The following ASIC2 variants were observed in gnomAD, a reference collection of about 807,000 sequenced individuals.
The protein encoded by ASIC2 is acid sensing ion channel subunit 2, also known as acid-sensing ion channel 2.
A neutral mutation model predicts 57.3 loss-of-function variants in ASIC2; 25 were observed. The ratio of observed to expected loss-of-function variants is 0.44; its 90% CI spans 0.32 to 0.61. The LOEUF is 0.61. Ranked by LOEUF, ASIC2 falls within the 20% of genes least tolerant of loss-of-function variation. ASIC2 has a pLI of 0.06. For missense variants in ASIC2, 641 were observed against 738.1 expected, an observed-to-expected ratio of 0.87 and a Z score of 1.52; for synonymous variants, 319 against 307.5, an observed-to-expected ratio of 1.04 and a Z score of -0.39.
chr17:33,359,606 C>G (rs1908520296), intron 1 of ASIC2, among the ~76,000 whole-genome samples: 1 of 152,166 alleles, frequency 6.6e-6, no homozygotes, highest in Non-Finnish European at 1.5e-5. Context: ...CATCCATGCA[C>G]CAAAAACTTC....
At chr17:34,131,823 G>A (rs868776033) in intron 1 of ASIC2, among the ~76,000 whole-genome samples, 6 of 152,212 alleles carry the variant, frequency 3.9e-5, no homozygotes, top group South Asian at 2.1e-4. Flanking sequence ...AAGAGGCCCT[G>A]AAAGGTCTGA....
At chr17:33,055,462 G>A (rs545034222) in intron 3 of ASIC2, among the ~76,000 whole-genome samples, 5 of 152,148 alleles carry the variant, frequency 3.3e-5, no homozygotes, top group African/African-American at 1.2e-4. Context: ...ACATTCCTAT[G>A]TTATGGCTGA....
intron 1 of ASIC2, among the ~76,000 whole-genome samples, chr17:33,875,602 T>C (rs1460946391): frequency 6.6e-6 from 1 of 152,176 alleles, no homozygotes; most frequent in Non-Finnish European, 1.5e-5. Context: ...GGAGCCAAGT[T>C]CACCTCTGAA....
chr17:33,388,905 G>C (rs541830357), intron 1 of ASIC2, among the ~76,000 whole-genome samples: 1 of 152,118 alleles, frequency 6.6e-6, no homozygotes, highest in African/African-American at 2.4e-5. Context: ...TGGCCTCTGC[G>C]GCCACATCAG....
chr17:33,439,376 G>A (rs1911745752), intron 1 of ASIC2, among the ~76,000 whole-genome samples: 5 of 152,154 alleles, frequency 3.3e-5, no homozygotes, highest in Admixed American at 3.3e-4. Context: ...TGAAGGCTGG[G>A]AAGAAGAAAG....
At chr17:34,135,136 T>C (rs1222741640) in intron 1 of ASIC2, among the ~76,000 whole-genome samples, 3 of 152,170 alleles carry the variant, frequency 2.0e-5, no homozygotes, top group African/African-American at 7.2e-5. Context: ...AAGCTCTTAA[T>C]TAATAATTCC....
chr17:33,475,097 A>G (rs1226239679), intron 1 of ASIC2, among the ~76,000 whole-genome samples: 4 of 152,026 alleles, frequency 2.6e-5, no homozygotes, highest in Non-Finnish European at 4.4e-5. Context: ...TTGAACTGCT[A>G]TCTTTCATCT....
rs1376868121 is a variant in ASIC2, at chr17:34,069,346, TTTTCTTTCTTTTTC to T, written c.555+86618_555+86631del. The stretch of plus-strand genomic sequence containing the variant: ...TCCTCTCTTTCTTTTTCTTTCATTT[TTTTCTTTCTTTTTC>T]TTTCTTTCTTTCCTTTTTTTCTCTT... On this transcript the variant is annotated intron_variant, in intron 1 of 9. Transcript: ENST00000359872. The T allele has an allele frequency of 5.4e-3, 189 of 34,708 alleles. 1 individual carries two copies. The highest frequency in any genetic ancestry group is 0.02 in the African/African-American group (181 of 8,902). 2.2% of individuals were successfully genotyped at this position (34,708 alleles called of 1,614,324 possible).
intron 1 of ASIC2, among the ~76,000 whole-genome samples, chr17:33,882,513 C>A (rs1213040413): frequency 6.6e-6 from 1 of 152,200 alleles, no homozygotes; most frequent in Non-Finnish European, 1.5e-5. Context: ...TGAAAAAATG[C>A]TCATCACCAC....
At chr17:33,797,892 C>T (rs1597880053) in intron 1 of ASIC2, among the ~76,000 whole-genome samples, 1 of 152,166 alleles carries the variant, frequency 6.6e-6, no homozygotes, top group Admixed American at 6.5e-5. Flanking sequence ...CCTATGGCTT[C>T]CTCCTTCTCA....
chr17:33,219,295 C>A (rs1169881331), intron 1 of ASIC2, among the ~76,000 whole-genome samples: 5 of 152,176 alleles, frequency 3.3e-5, no homozygotes, highest in Admixed American at 6.5e-5. Context: ...GGCAGCCCCC[C>A]TTGATGCCAA....
intron 1 of ASIC2, among the ~76,000 whole-genome samples, chr17:33,916,546 T>C (rs894227824): frequency 6.6e-6 from 1 of 152,248 alleles, no homozygotes; most frequent in Non-Finnish European, 1.5e-5. Flanking sequence ...CTGGGATTTA[T>C]GTTATTTCCA....
intron 1 of ASIC2, among the ~76,000 whole-genome samples, chr17:33,790,698 A>T (rs1430992028): frequency 6.6e-6 from 1 of 152,142 alleles, no homozygotes; most frequent in Non-Finnish European, 1.5e-5. Context: ...ACACACACAC[A>T]CATCTCAGAT....
chr17:33,422,675 T>C (rs150262181), intron 1 of ASIC2, among the ~76,000 whole-genome samples: 1 of 152,296 alleles, frequency 6.6e-6, no homozygotes, highest in East Asian at 1.9e-4. Flanking sequence ...ATCACTCAGA[T>C]ACCCCTTCAA....
chr17:34,096,752 G>A (rs1910560545), intron 1 of ASIC2, among the ~76,000 whole-genome samples: 1 of 150,076 alleles, frequency 6.7e-6, no homozygotes, highest in East Asian at 2.0e-4. Flanking sequence ...AGCTACTTGG[G>A]AGGCTGAGGC....
intron 1 of ASIC2, among the ~76,000 whole-genome samples, chr17:33,481,331 G>T (rs1002665125): frequency 6.6e-5 from 10 of 152,180 alleles, no homozygotes; most frequent in Admixed American, 2.6e-4. Flanking sequence ...CTCTCTTCCT[G>T]TCCTCCCACC....
chr17:33,355,152 G>A (rs1908329046), intron 1 of ASIC2, among the ~76,000 whole-genome samples: 2 of 152,184 alleles, frequency 1.3e-5, no homozygotes, highest in African/African-American at 4.8e-5. Flanking sequence ...GGCTAACATG[G>A]TGAAACCCCA....
At chr17:33,701,708 A>C (rs1275047131) in intron 1 of ASIC2, among the ~76,000 whole-genome samples, 1 of 152,208 alleles carries the variant, frequency 6.6e-6, no homozygotes, top group Non-Finnish European at 1.5e-5. Flanking sequence ...TGGATAATTC[A>C]TTCTTACCCA....
chr17:33,649,395 G>T (rs1230972927), intron 1 of ASIC2, among the ~76,000 whole-genome samples: 1 of 152,150 alleles, frequency 6.6e-6, no homozygotes, highest in African/African-American at 2.4e-5. Context: ...AGAAATCAAA[G>T]ATCTGAAAAA....
Sources: allele counts gnomAD v4.1 joint callset (sites outside exome capture counted in the v4.1 genomes callset), GRCh38; gene constraint gnomAD v4.1.1; transcripts MANE v1.5; gene names NCBI Gene and HGNC (gene_info 2026-07-23, HGNC 2026-07-21).